Variants in RALY observed in about 807,000 individuals in gnomAD.
The protein encoded by RALY is RALY heterogeneous nuclear ribonucleoprotein.
RALY carries 15 observed loss-of-function variants against 30.7 expected under a neutral mutation model. The observed-to-expected ratio is 0.49, with a 90% CI of 0.33 to 0.75. RALY has a LOEUF of 0.75. RALY is among the 30% of genes least tolerant of loss of function. The pLI is 0.02. For synonymous variants in RALY, 177 were observed against 170.8 expected (o/e 1.04, Z -0.28); for missense variants, 339 against 414.3 (o/e 0.82, Z 1.58).
intron 7 of RALY, 22 bp from the exon 8 acceptor site, chr20:34,077,006 T>TCCTCCACC: frequency 6.2e-7 from 1 of 1,610,418 alleles, no homozygotes; most frequent in Non-Finnish European, 8.5e-7. Flanking sequence ...TATTCTCCCC[T>TCCTCCACC]CCTCCACCCC....
chr20:34,078,677 C>T (rs2033963084), intron 9 of RALY, 124 bp downstream of exon 9: 1 of 890,982 alleles, frequency 1.1e-6, no homozygotes, highest in South Asian at 3.2e-5. Context: ...TGACTATACC[C>T]AAGAATGAAG....
chr20:34,042,472 C>T (rs2032737354), intron 2 of RALY, among the ~76,000 whole-genome samples: 1 of 152,198 alleles, frequency 6.6e-6, no homozygotes, highest in African/African-American at 2.4e-5. Context: ...CCACTTCTAA[C>T]ACTTGACTGG....
rs762543741 is a variant in RALY, at chr20:34,077,104, T to TGGTGGC, written c.748_753dup (p.Gly250_Gly251dup). On this transcript the variant is annotated inframe_insertion, in exon 8 of 10. Coordinates refer to ENST00000246194, the MANE Select transcript of RALY (RefSeq NM_016732.3). ...GTGGCAGCGGTGGCGGTGGCAGTGG[T>TGGTGGC]GGTGGCGGTGGCGGTGGCAGCAGCC... The TGGTGGC allele has an allele frequency of 5.6e-5, 90 of 1,601,690 alleles. No individual in the cohort carries two copies. The highest frequency in any genetic ancestry group is 3.6e-4 in the African/African-American group (27 of 74,662).
At position 34,083,147 on chromosome 20, in the gene RALY, C is replaced by G. The variant is rs773356686; in HGVS notation, c.*3242C>G. 6.6e-6 allele frequency: 1 copy of G among 152,248 alleles called. No individual in the cohort carries two copies. Among genetic ancestry groups the G allele is most frequent in the South Asian group, 2.1e-4 (1 of 4,832 alleles). 9.4% of individuals were successfully genotyped at this position (152,248 alleles called of 1,614,324 possible). The stretch of plus-strand genomic sequence containing the variant: ...TGACTGTTGTATAACAAACCACCCC[C>G]AAATTTAGTAGCCTTAATAAACATT... On this transcript the variant is annotated 3_prime_UTR_variant, in exon 10 of 10. Transcript: ENST00000246194.
chr20:34,076,236 C>T (rs2033873776), intron 6 of RALY, 196 bp downstream of exon 6: 6 of 705,420 alleles, frequency 8.5e-6, no homozygotes, highest in South Asian at 3.8e-5. Context: ...GTGTTGGGCA[C>T]AGAGAGTCCA....
chr20:34,037,475 G>C (rs2032540074), intron 2 of RALY, among the ~76,000 whole-genome samples: 1 of 152,168 alleles, frequency 6.6e-6, no homozygotes, highest in South Asian at 2.1e-4. Context: ...TCTTTTGCCT[G>C]TTACAACTGA....
intron 1 of RALY, among the ~76,000 whole-genome samples, chr20:33,999,292 C>A (rs188843644): frequency 4.8e-4 from 73 of 152,112 alleles, no homozygotes; most frequent in African/African-American, 1.7e-3. Context: ...AGAAGGAGCA[C>A]GTAAGGGAGG....
rs2033901288 is a variant in RALY at position 34,077,036 on chromosome 20, A to G, written c.667A>G (p.Lys223Glu). Residue 223 changes from lysine (K) to glutamate (E), a missense_variant, in exon 8 of 10, where the codon AAG becomes GAG. Around this residue, in one of 2 missense-constraint regions of RALY, gnomAD observed 268 missense variants for 280.6 expected, o/e 0.95. Transcript: ENST00000246194. ...CACCCCTTCCCCTCAAGATGGCAAG[A>G]AGAAGGGTGATGGAGGTGGCGCCGG... Reference protein sequence around the residue: ...AEQKANPDGKKKGDGGGAGGG... With the variant: ...AEQKANPDGKEKGDGGGAGGG... The G allele has an allele frequency of 6.2e-7, 1 of 1,605,610 alleles. No individual in the cohort carries two copies. The highest frequency in any genetic ancestry group is 1.4e-5 in the African/African-American group (1 of 72,954).
intron 1 of RALY, among the ~76,000 whole-genome samples, chr20:34,009,385 C>T (rs993263499): frequency 1.3e-4 from 20 of 152,104 alleles, no homozygotes; most frequent in Admixed American, 7.9e-4. Context: ...ACTACAGGTG[C>T]GCGCCACCAT....
At chr20:33,997,332 T>C (rs1286424459) in intron 1 of RALY, among the ~76,000 whole-genome samples, 1 of 152,138 alleles carries the variant, frequency 6.6e-6, no homozygotes, top group East Asian at 1.9e-4. Flanking sequence ...CCAGGCTGGC[T>C]TCGAACTCCT....
intron 9 of RALY, 117 bp downstream of exon 9, chr20:34,078,670 C>G: frequency 5.2e-6 from 5 of 957,334 alleles, no homozygotes; most frequent in Non-Finnish European, 7.2e-6. Flanking sequence ...GTAGCACTGA[C>G]TATACCCAAG....
intron 1 of RALY, among the ~76,000 whole-genome samples, chr20:34,024,225 C>G (rs1037399649): frequency 6.6e-6 from 1 of 152,182 alleles, no homozygotes; most frequent in Non-Finnish European, 1.5e-5. Flanking sequence ...TTGCACAGAG[C>G]AGTGTCTGGT....
intron 1 of RALY, among the ~76,000 whole-genome samples, chr20:34,004,029 C>G (rs1339122289): frequency 6.7e-6 from 1 of 149,820 alleles, no homozygotes; most frequent in Admixed American, 6.6e-5. Flanking sequence ...TTGGCATTGT[C>G]TATCTTTTTC....
At chr20:34,054,794 G>T (rs1444380901) in intron 2 of RALY, among the ~76,000 whole-genome samples, 2 of 151,192 alleles carry the variant, frequency 1.3e-5, no homozygotes, top group African/African-American at 4.9e-5. Context: ...CTCCAGCCTG[G>T]GTGACAGAAT....
intron 2 of RALY, among the ~76,000 whole-genome samples, chr20:34,066,585 C>G (rs2033579776): frequency 6.6e-6 from 1 of 152,070 alleles, no homozygotes; most frequent in Admixed American, 6.6e-5. Flanking sequence ...GAGATGGGGT[C>G]TCATGATGTA....
chr20:34,073,852 C>T lies in RALY; in HGVS notation c.363C>T (p.Asp121=), dbSNP rs749707902. 7.4e-6 allele frequency: 12 copies of T among 1,613,916 alleles called. No individual in the cohort carries two copies. Among genetic ancestry groups the T allele is most frequent in the Admixed American group, 1.7e-5 (1 of 60,006 alleles). The change falls in exon 5 of 10, where the codon GAC becomes GAT. Residue 121 remains aspartate, a synonymous_variant. Coordinates refer to ENST00000246194, the MANE Select transcript of RALY (RefSeq NM_016732.3). ...TCTTTGACTATGATTACTACCGGGA[C>T]GACTTCTACGACAGGTGAGCAGGGG... is the stretch of plus-strand genomic sequence containing the variant. ...GYIFDYDYYR[D]DFYDRLFDYR...
chr20:34,073,541 T>C, intron 3 of RALY, 22 bp from the exon 4 acceptor site: 1 of 1,552,632 alleles, frequency 6.4e-7, no homozygotes, highest in Non-Finnish European at 8.9e-7. Context: ...GCATTCCAAC[T>C]CTGCCTTCTC....
At chr20:33,997,086 C>T (rs2030669787) in intron 1 of RALY, among the ~76,000 whole-genome samples, 1 of 152,172 alleles carries the variant, frequency 6.6e-6, no homozygotes, top group Non-Finnish European at 1.5e-5. Flanking sequence ...TGAATCTCTG[C>T]TGGCCCCCCA....
At chr20:34,021,472 T>C (rs2031818667) in intron 1 of RALY, among the ~76,000 whole-genome samples, 1 of 152,144 alleles carries the variant, frequency 6.6e-6, no homozygotes, top group Non-Finnish European at 1.5e-5. Context: ...AGGGCTGAAC[T>C]CACTTTTATA....
Sources: gnomAD v4.1 joint callset for allele counts (sites outside exome capture counted in the v4.1 genomes callset) on GRCh38, gnomAD v4.1.1 for gene constraint, gnomAD v4.1.1 regional missense constraint, MANE v1.5 for transcripts, NCBI Gene and HGNC (gene_info 2026-07-23, HGNC 2026-07-21) for gene names.